Variants in GRIK1 observed in about 807,000 individuals in gnomAD.
GRIK1 encodes glutamate receptor ionotropic, kainate 1.
Under a neutral mutation model 105.7 loss-of-function variants are expected in GRIK1, and 69 were observed. The ratio of observed to expected loss-of-function variants is 0.65; its 90% CI spans 0.54 to 0.80. GRIK1 has a LOEUF of 0.80. Among genes scored for constraint, GRIK1 ranks in the 30% least tolerant of loss-of-function variants. The pLI is 0.00. For missense variants in GRIK1, 1,109 were observed against 1,167.3 expected (o/e 0.95, Z 0.73); for synonymous variants, 438 against 431.3 (o/e 1.02, Z -0.19).
At chr21:29,775,277 A>G (rs1004578070) in intron 1 of GRIK1, among the ~76,000 whole-genome samples, 1 of 74,934 alleles carries the variant, frequency 1.3e-5, no homozygotes, top group Non-Finnish European at 2.6e-5. Flanking sequence ...CTCTGTCTCA[A>G]AAAAAAAAAA....
At chr21:29,550,159 G>T (rs915293093) in intron 16 of GRIK1, among the ~76,000 whole-genome samples, 1 of 143,532 alleles carries the variant, frequency 7.0e-6, no homozygotes, top group Non-Finnish European at 1.5e-5. Flanking sequence ...AAGTACTTGA[G>T]ATTTCTCCAG....
chr21:29,751,698 G>T (rs1445573617), intron 1 of GRIK1, among the ~76,000 whole-genome samples: 1 of 152,162 alleles, frequency 6.6e-6, no homozygotes, highest in Non-Finnish European at 1.5e-5. Context: ...TTACACTCAA[G>T]ATGGTTTTTA....
chr21:29,566,414 G>C lies in GRIK1; in HGVS notation c.2131-4565C>G, dbSNP rs575225955. 2.0e-5 allele frequency among the ~76,000 whole-genome samples: 3 copies of C among 152,272 alleles called. No individual in the cohort carries two copies. The South Asian group carries it at 6.2e-4, about 32-fold the overall frequency. ...TTCTTTTTAATCCTGAGAGGCATCT[G>C]TTTAGATAAATGCATTTTATCTGTT... On this transcript the variant is annotated intron_variant, in intron 14 of 17. Coordinates refer to ENST00000327783, the MANE Select transcript of GRIK1 (RefSeq NM_001330994.2).
At chr21:29,627,317 T>A (rs1006856814) in intron 7 of GRIK1, among the ~76,000 whole-genome samples, 1 of 152,218 alleles carries the variant, frequency 6.6e-6, no homozygotes, top group Non-Finnish European at 1.5e-5. Context: ...TCCAAAATAT[T>A]TGTGGAAGGC....
intron 1 of GRIK1, among the ~76,000 whole-genome samples, chr21:29,843,420 C>T (rs148697591): frequency 3.0e-4 from 45 of 152,208 alleles, no homozygotes; most frequent in Admixed American, 1.4e-3. Context: ...TGATCTACAA[C>T]GAAGAGCAAA....
At chr21:29,893,571 T>A (rs140614451) in intron 1 of GRIK1, among the ~76,000 whole-genome samples, 52 of 152,356 alleles carry the variant, frequency 3.4e-4, no homozygotes, top group African/African-American at 1.2e-3. Flanking sequence ...ATTTGTATGT[T>A]TTACCAGACT....
intron 1 of GRIK1, among the ~76,000 whole-genome samples, chr21:29,776,039 G>A (rs1435710434): frequency 6.6e-6 from 1 of 152,166 alleles, no homozygotes; most frequent in Non-Finnish European, 1.5e-5. Context: ...TTTACAAGGT[G>A]GCAGGAAGGA....
At chr21:29,564,283 G>C (rs940769016) in intron 14 of GRIK1, among the ~76,000 whole-genome samples, 3 of 151,236 alleles carry the variant, frequency 2.0e-5, no homozygotes, top group Non-Finnish European at 3.0e-5. Context: ...AAGTAGCTGG[G>C]ACTACAGGCG....
At chr21:29,721,448 T>C (rs187914783) in intron 1 of GRIK1, among the ~76,000 whole-genome samples, 2 of 152,048 alleles carry the variant, frequency 1.3e-5, no homozygotes, top group Admixed American at 1.3e-4. Flanking sequence ...GGTGCAGGGC[T>C]ATAGCGGGGA....
At chr21:29,784,787 A>G (rs1026777601) in intron 1 of GRIK1, among the ~76,000 whole-genome samples, 1 of 152,228 alleles carries the variant, frequency 6.6e-6, no homozygotes, top group African/African-American at 2.4e-5. Context: ...AGTTCACACA[A>G]GTTAAGATAC....
chr21:29,790,199 G>A (rs1476661333), intron 1 of GRIK1, among the ~76,000 whole-genome samples: 13 of 151,994 alleles, frequency 8.6e-5, no homozygotes, highest in East Asian at 1.9e-4. Context: ...ACAGGCATGC[G>A]CCACCACTCC....
At chr21:29,813,464 T>C (rs9977086) in intron 1 of GRIK1, among the ~76,000 whole-genome samples, 9,777 of 152,226 alleles carry the variant, frequency 0.064, 421 homozygotes, top group Non-Finnish European at 0.091. Context: ...CCAATCATTA[T>C]CACAGAGAGT....
chr21:29,555,226 C>T lies in GRIK1; in HGVS notation c.2433G>A (p.Glu811=). The change falls in exon 16 of 18, where the codon GAG becomes GAA. Residue 811 remains glutamate (E), a synonymous_variant. Coordinates refer to ENST00000327783, the MANE Select transcript of GRIK1 (RefSeq NM_001330994.2). Reference sequence around the variant, plus strand: ...GGCAGCCATTCCCACGCCACCACTTCTCTTTCATCATATGCAGCTTCCCTT... The same window carrying T: ...GGCAGCCATTCCCACGCCACCACTTTTCTTTCATCATATGCAGCTTCCCTT... ...QEEGKLHMMK[E]KWWRGNGCPE... The T allele has an allele frequency of 1.9e-6, 3 of 1,613,902 alleles. No homozygotes were observed. The highest frequency in any genetic ancestry group is 2.5e-6 in the Non-Finnish European group (3 of 1,179,842).
At chr21:29,802,980 G>A (rs1252878557) in intron 1 of GRIK1, among the ~76,000 whole-genome samples, 1 of 152,018 alleles carries the variant, frequency 6.6e-6, no homozygotes, top group Non-Finnish European at 1.5e-5. Context: ...AGATATGAAG[G>A]TTTCTTATTA....
intron 15 of GRIK1, among the ~76,000 whole-genome samples, chr21:29,560,462 TCCTTTC>T (rs2090422126): frequency 7.3e-6 from 1 of 137,428 alleles, no homozygotes; most frequent in Non-Finnish European, 1.5e-5. Context: ...TTTCTTTCCT[TCCTTTC>T]CTTTCTCTCT....
chr21:29,788,485 A>G (rs1454480674), intron 1 of GRIK1, among the ~76,000 whole-genome samples: 2 of 152,188 alleles, frequency 1.3e-5, no homozygotes, highest in Admixed American at 6.5e-5. Flanking sequence ...AAGTCAGATC[A>G]CATGGTGTCT....
At chr21:29,783,078 T>G (rs1394308478) in intron 1 of GRIK1, among the ~76,000 whole-genome samples, 1 of 152,234 alleles carries the variant, frequency 6.6e-6, no homozygotes, top group Non-Finnish European at 1.5e-5. Context: ...CTTCCCATTC[T>G]TGAACAATGC....
intron 1 of GRIK1, among the ~76,000 whole-genome samples, chr21:29,870,054 T>A (rs1250844090): frequency 6.6e-6 from 1 of 152,170 alleles, no homozygotes; most frequent in African/African-American, 2.4e-5. Context: ...ATGTTCCTCA[T>A]AATATTTGGG....
chr21:29,909,082 T>C (rs573231176), intron 1 of GRIK1, among the ~76,000 whole-genome samples: 30 of 152,266 alleles, frequency 2.0e-4, no homozygotes, highest in South Asian at 4.1e-4. Context: ...TTGTTACACA[T>C]TGTATGCCCA....
Sources: gnomAD v4.1 joint callset for allele counts (sites outside exome capture counted in the v4.1 genomes callset) on GRCh38, gnomAD v4.1.1 for gene constraint, MANE v1.5 for transcripts, NCBI Gene and HGNC (gene_info 2026-07-23, HGNC 2026-07-21) for gene names.